Variants in USP7 observed in about 807,000 individuals in gnomAD.
The protein encoded by USP7 is ubiquitin C-terminal hydrolase 7.
USP7 carries 9 observed loss-of-function variants against 162.9 expected under a neutral mutation model. That is an observed-to-expected ratio of 0.06 (90% confidence interval 0.03 to 0.10). The LOEUF is 0.10. USP7 is among the 10% of genes least tolerant of loss of function. USP7 has a pLI of 1.00. For synonymous variants in USP7, 562 were observed against 475.9 expected (o/e 1.18, Z -2.35); for missense variants, 715 against 1,373.7 (o/e 0.52, Z 7.58).
intron 2 of USP7, among the ~76,000 whole-genome samples, chr16:8,927,224 A>G (rs1474614239): frequency 5.3e-5 from 8 of 151,968 alleles, no homozygotes; most frequent in Non-Finnish European, 1.2e-4. Context: ...TGGGAGGCTG[A>G]GGCAGGAGAA....
At chr16:8,942,164 C>T (rs1212603468) in intron 1 of USP7, among the ~76,000 whole-genome samples, 2 of 152,212 alleles carry the variant, frequency 1.3e-5, no homozygotes, top group African/African-American at 4.8e-5. Flanking sequence ...TTGAAGGCCA[C>T]GATAAGCATT....
chr16:8,910,345 C>A (rs1237604906), intron 11 of USP7, among the ~76,000 whole-genome samples: 1 of 152,172 alleles, frequency 6.6e-6, no homozygotes, highest in African/African-American at 2.4e-5. Context: ...TCGTGATCCT[C>A]AGAAAACTAA....
chr16:8,904,912 C>T (rs1248532840), intron 14 of USP7, among the ~76,000 whole-genome samples: 3 of 152,144 alleles, frequency 2.0e-5, no homozygotes, highest in African/African-American at 4.8e-5. Flanking sequence ...GTGGAGCTTG[C>T]AGTGAGCCGA....
chr16:8,894,592 C>T lies in USP7; in HGVS notation c.3160G>A (p.Asp1054Asn). ...MMGRHQYINE[D>N]EYEVNLKDFE... ...TCTTTCAAATTTACTTCATACTCGTCTTCATTTATGTACTGGTGTCGGCCC... is the reference window on the plus strand; with the variant it reads ...TCTTTCAAATTTACTTCATACTCGTTTTCATTTATGTACTGGTGTCGGCCC... The change falls in exon 30 of 31, where the codon GAC becomes AAC. Residue 1054 changes from aspartate (D) to asparagine (N), a missense_variant. Asp to Asn is a conservative substitution (Grantham distance 23, BLOSUM62 1). This residue lies in a region of USP7 where 222 missense variants were observed against 441.7 expected (regional missense o/e 0.50). Coordinates refer to ENST00000344836, the MANE Select transcript of USP7 (RefSeq NM_003470.3). 2 of 1,613,796 alleles carry T rather than the reference C, an allele frequency of 1.2e-6. No homozygotes were observed. Among genetic ancestry groups the T allele is most frequent in the Non-Finnish European group, 1.7e-6 (2 of 1,180,022 alleles).
At chr16:8,909,919 C>A (rs1438711390) in intron 11 of USP7, among the ~76,000 whole-genome samples, 1 of 152,046 alleles carries the variant, frequency 6.6e-6, no homozygotes. Flanking sequence ...GACCGAGTCT[C>A]CGTCTCAGAA....
At chr16:8,910,637 A>G (rs1393110144) in intron 11 of USP7, 108 bp downstream of exon 11, 2 of 947,648 alleles carry the variant, frequency 2.1e-6, no homozygotes, top group African/African-American at 3.3e-5. Flanking sequence ...TATTCTAAAT[A>G]CCAGAAACAC....
intron 2 of USP7, chr16:8,929,280 G>A (rs905519817): frequency 5.4e-5 from 18 of 332,732 alleles, no homozygotes; most frequent in Middle Eastern, 1.1e-3. Context: ...AACAACCAGC[G>A]AGACCACACC....
intron 1 of USP7, chr16:8,936,457 T>C: frequency 6.1e-6 from 6 of 981,912 alleles, no homozygotes; most frequent in Non-Finnish European, 8.2e-6. Flanking sequence ...TTTATATAAA[T>C]TTTACTGATA....
intron 1 of USP7, among the ~76,000 whole-genome samples, chr16:8,933,524 G>C (rs532625901): frequency 2.8e-4 from 42 of 152,268 alleles, no homozygotes; most frequent in African/African-American, 9.6e-4. Context: ...AGAAACAGCA[G>C]GATACAGAAG....
chr16:8,919,214 A>T, intron 5 of USP7, 75 bp from the exon 6 acceptor site: 2 of 1,474,340 alleles, frequency 1.4e-6, no homozygotes, highest in East Asian at 2.3e-5. Flanking sequence ...AAGCAATCTG[A>T]CTCAAGGTCA....
rs900862024 is a variant in USP7 at position 8,892,683 on chromosome 16, A to G, written c.*1315T>C. 4.6e-5 allele frequency: 7 copies of G among 152,046 alleles called. No homozygotes were observed. Among genetic ancestry groups the G allele is most frequent in the Non-Finnish European group, 1.0e-4 (7 of 68,014 alleles). The allele number at this position is 152,046 out of a possible 1,614,324, so 9.4% of individuals were successfully genotyped here. ...GGAATTAGAAGGAAAAGTACATCTCAGTGAAACCTTGTTACAAATGCCAAG... is the reference window on the plus strand; with the variant it reads ...GGAATTAGAAGGAAAAGTACATCTCGGTGAAACCTTGTTACAAATGCCAAG... On this transcript the variant is annotated 3_prime_UTR_variant, in exon 31 of 31. Transcript: ENST00000344836.
chr16:8,932,184 A>C lies in USP7; in HGVS notation c.80-1787T>G, dbSNP rs118177314. ...TCTCAAAACATTCAAAATACCAAGA[A>C]ACAGGTATTACCACTCAGACGTTTA... On this transcript the variant is annotated intron_variant, in intron 1 of 30. Coordinates refer to ENST00000344836, the MANE Select transcript of USP7 (RefSeq NM_003470.3). Among the ~76,000 whole-genome samples, 1,431 of 152,314 alleles carry C rather than the reference A, an allele frequency of 9.4e-3. 13 individuals carry two copies. Among genetic ancestry groups the C allele is most frequent in the Middle Eastern group, 0.024 (7 of 294 alleles).
intron 1 of USP7, among the ~76,000 whole-genome samples, chr16:8,957,242 G>A (rs997005323): frequency 3.3e-5 from 5 of 152,146 alleles, no homozygotes; most frequent in Admixed American, 6.6e-5. Context: ...TCTTGCCTAC[G>A]CATGACACTT....
chr16:8,943,137 T>C (rs1183327631), intron 1 of USP7, among the ~76,000 whole-genome samples: 1 of 152,184 alleles, frequency 6.6e-6, no homozygotes. Context: ...ATATAATATG[T>C]GATCCTTAAA....
At position 8,925,168 on chromosome 16, in the gene USP7, C is replaced by A. The variant is rs552623241; in HGVS notation, c.185-1755G>T. 3.9e-5 allele frequency among the ~76,000 whole-genome samples: 6 copies of A among 152,142 alleles called. No individual in the cohort carries two copies. The South Asian group carries it at 8.3e-4, about 21-fold the overall frequency. ...TTTAGGTGAGGAAATGGAGGTTCGC[C>A]GAGGCTGTTTTACAAAGTGACAATA... On this transcript the variant is annotated intron_variant, in intron 2 of 30. Transcript: ENST00000344836.
At position 8,898,517 on chromosome 16, in the gene USP7, A is replaced by C. The variant is rs369848741; in HGVS notation, c.2640+14T>G. On this transcript the variant is annotated intron_variant, in intron 24 of 30. Coordinates refer to ENST00000344836, the MANE Select transcript of USP7 (RefSeq NM_003470.3). ...CTCTTTATGACCCATAGTTACATTA[A>C]TTTGGACTCATACCTGCTGATAGTA... 1.2e-6 allele frequency: 2 copies of C among 1,607,614 alleles called. No individual in the cohort carries two copies. Among genetic ancestry groups the C allele is most frequent in the Non-Finnish European group, 1.7e-6 (2 of 1,177,342 alleles).
At chr16:8,958,445 G>T (rs989476733) in intron 1 of USP7, among the ~76,000 whole-genome samples, 1 of 152,236 alleles carries the variant, frequency 6.6e-6, no homozygotes, top group South Asian at 2.1e-4. Flanking sequence ...AGGCAGTGAC[G>T]GACAGAAGTC....
chr16:8,896,112 T>A (rs1252682956), intron 26 of USP7, among the ~76,000 whole-genome samples: 1 of 151,708 alleles, frequency 6.6e-6, no homozygotes, highest in Non-Finnish European at 1.5e-5. Flanking sequence ...GTGCTGGGAT[T>A]ATAGGTGTGA....
intron 1 of USP7, among the ~76,000 whole-genome samples, chr16:8,940,234 G>A (rs1466539334): frequency 6.6e-6 from 1 of 152,168 alleles, no homozygotes; most frequent in South Asian, 2.1e-4. Flanking sequence ...CACCTGTCTA[G>A]GCATCCTACA....
Sources: gnomAD v4.1 joint callset for allele counts (sites outside exome capture counted in the v4.1 genomes callset) on GRCh38, gnomAD v4.1.1 for gene constraint, gnomAD v4.1.1 regional missense constraint, MANE v1.5 for transcripts, NCBI Gene and HGNC (gene_info 2026-07-23, HGNC 2026-07-21) for gene names.